ALPK1: variants seen among roughly 807,000 people sequenced by gnomAD.
ALPK1 encodes the protein alpha-protein kinase 1.
Under a neutral mutation model 120.6 loss-of-function variants are expected in ALPK1, and 110 were observed. The ratio of observed to expected loss-of-function variants is 0.91; its 90% CI spans 0.78 to 1.07. The LOEUF (loss-of-function observed/expected upper bound fraction) is 1.07, where lower values mean the gene tolerates loss of function less well. Among genes scored for constraint, ALPK1 ranks in the 50% least tolerant of loss-of-function variants. ALPK1 has a pLI of 0.00. For synonymous variants in ALPK1, 582 were observed against 560.3 expected (o/e 1.04, Z -0.55); for missense variants, 1,498 against 1,483.9 (o/e 1.01, Z -0.16).
chr4:112,333,642 C>T (rs1174788495), intron 2 of ALPK1, among the ~76,000 whole-genome samples: 2 of 152,232 alleles, frequency 1.3e-5, no homozygotes, highest in Non-Finnish European at 2.9e-5. Context: ...GATGAACCCA[C>T]ATTAATGTTT....
At chr4:112,341,683 C>T (rs1209945969) in intron 2 of ALPK1, among the ~76,000 whole-genome samples, 1 of 152,180 alleles carries the variant, frequency 6.6e-6, no homozygotes, top group Admixed American at 6.5e-5. Context: ...GGGGTGAATG[C>T]AGCCAACTGG....
intron 2 of ALPK1, among the ~76,000 whole-genome samples, chr4:112,324,745 G>A (rs184668405): frequency 4.6e-5 from 7 of 152,160 alleles, no homozygotes; most frequent in African/African-American, 1.7e-4. Flanking sequence ...CCAAAATGTT[G>A]GAATTACAGG....
At chr4:112,438,131 G>A (rs1427508702) in intron 12 of ALPK1, among the ~76,000 whole-genome samples, 1 of 152,158 alleles carries the variant, frequency 6.6e-6, no homozygotes, top group East Asian at 1.9e-4. Context: ...GACTATATAA[G>A]GCCACACTGC....
In ALPK1 at chr4:112,427,487, T is replaced by C; in HGVS notation, c.700-83T>C. On this transcript the variant is annotated intron_variant, in intron 8 of 15. Coordinates refer to ENST00000650871, the MANE Select transcript of ALPK1 (RefSeq NM_025144.4). The stretch of plus-strand genomic sequence containing the variant: ...TAGGCAAATAGTTCATATGGAGGAA[T>C]AATCATAGCCTTTAGGCCATGGATG... 3.5e-6 allele frequency: 3 copies of C among 852,674 alleles called. No individual in the cohort carries two copies. In the Admixed American group the frequency reaches 6.2e-5, roughly 18 times the overall value. 52.8% of individuals were successfully genotyped at this position (852,674 alleles called of 1,614,324 possible).
At chr4:112,318,993 T>C (rs2110542279) in intron 2 of ALPK1, among the ~76,000 whole-genome samples, 1 of 152,334 alleles carries the variant, frequency 6.6e-6, no homozygotes, top group East Asian at 1.9e-4. Flanking sequence ...TTTCATCCTA[T>C]AGGCAACAAT....
chr4:112,358,884 ACCTGTCTTGG>A, intron 2 of ALPK1: 1 of 773,432 alleles, frequency 1.3e-6, no homozygotes, highest in South Asian at 1.3e-5. Context: ...TGCCCTGGCG[ACCTGTCTTGG>A]CCTCCTCTTT....
chr4:112,379,820 A>C (rs978180530), intron 3 of ALPK1, among the ~76,000 whole-genome samples: 1 of 152,210 alleles, frequency 6.6e-6, no homozygotes, highest in Non-Finnish European at 1.5e-5. Context: ...CCAGAGATAC[A>C]TTTTAAAAAC....
At chr4:112,331,280 G>C (rs1729357489) in intron 2 of ALPK1, among the ~76,000 whole-genome samples, 1 of 152,180 alleles carries the variant, frequency 6.6e-6, no homozygotes, top group South Asian at 2.1e-4. Flanking sequence ...TTGAGAGGGT[G>C]TCTTCTGCAG....
intron 7 of ALPK1, 121 bp downstream of exon 7, chr4:112,425,872 T>C: frequency 2.8e-6 from 2 of 711,164 alleles, no homozygotes; most frequent in South Asian, 2.0e-5. Flanking sequence ...TGCCTTAGTT[T>C]CCTCATCGAA....
At chr4:112,428,701 G>A (rs1231103777) in intron 9 of ALPK1, among the ~76,000 whole-genome samples, 1 of 152,166 alleles carries the variant, frequency 6.6e-6, no homozygotes, top group Non-Finnish European at 1.5e-5. Flanking sequence ...ACAACAGAAA[G>A]TAAGCTCCTT....
chr4:112,359,810 GC>G, intron 2 of ALPK1: 1 of 411,526 alleles, frequency 2.4e-6, no homozygotes, highest in South Asian at 1.9e-5. Context: ...TCTGGCCAGA[GC>G]CCCAGTGGGT....
intron 2 of ALPK1, among the ~76,000 whole-genome samples, chr4:112,355,865 T>C (rs954543944): frequency 2.0e-5 from 3 of 152,234 alleles, no homozygotes; most frequent in South Asian, 2.1e-4. Flanking sequence ...AAGTCTGAAC[T>C]GCCTGACAAA....
At chr4:112,429,342 C>A (rs17444613) in intron 10 of ALPK1, 89 bp downstream of exon 10, 10 of 1,014,774 alleles carry the variant, frequency 9.9e-6, no homozygotes, top group South Asian at 1.5e-5. Context: ...AAGGTTTAAC[C>A]TTCAAACAGG....
At chr4:112,366,812 C>G (rs950769864) in intron 2 of ALPK1, among the ~76,000 whole-genome samples, 2 of 152,178 alleles carry the variant, frequency 1.3e-5, no homozygotes, top group African/African-American at 4.8e-5. Context: ...GCCCATCAAT[C>G]AATGAGTGGG....
chr4:112,412,660 T>C (rs987824392), intron 5 of ALPK1, among the ~76,000 whole-genome samples: 1 of 152,244 alleles, frequency 6.6e-6, no homozygotes, highest in Admixed American at 6.5e-5. Context: ...CATAGAATTC[T>C]TGAATTATTT....
chr4:112,379,522 TG>T (rs1384965704), intron 3 of ALPK1, among the ~76,000 whole-genome samples: 1 of 152,238 alleles, frequency 6.6e-6, no homozygotes, highest in Non-Finnish European at 1.5e-5. Flanking sequence ...ACCGTGCGGA[TG>T]GAGTGCAGCC....
At chr4:112,372,868 T>C (rs892710374) in intron 2 of ALPK1, among the ~76,000 whole-genome samples, 1 of 152,194 alleles carries the variant, frequency 6.6e-6, no homozygotes, top group African/African-American at 2.4e-5. Flanking sequence ...AAGGGAATGA[T>C]ACAGCACTAA....
At position 112,320,897 on chromosome 4, in the gene ALPK1, C is replaced by CCTT. The variant is rs558658108; in HGVS notation, c.-101+5045_-101+5046insCTT. Among the ~76,000 whole-genome samples, 14 of 123,606 alleles carry CCTT rather than the reference C, an allele frequency of 1.1e-4. No homozygotes were observed. The East Asian group carries it at 3.1e-3, about 27-fold the overall frequency. 81.1% of individuals were successfully genotyped at this position (123,606 alleles called of 152,430 possible). Reference sequence around the variant, plus strand: ...TGGTTGTAATATCACCCATTTCTTTCTTTTTTTTTTTTTTTTTGAGACGGA... The same window carrying CCTT: ...TGGTTGTAATATCACCCATTTCTTTCCTTTTTTTTTTTTTTTTTTTGAGACGGA... On this transcript the variant is annotated intron_variant, in intron 2 of 15. Transcript: ENST00000650871.
At chr4:112,323,173 T>C (rs561933134) in intron 2 of ALPK1, among the ~76,000 whole-genome samples, 4 of 152,242 alleles carry the variant, frequency 2.6e-5, no homozygotes, top group Non-Finnish European at 5.9e-5. Context: ...TCACTTCCAC[T>C]GTCTGGAGTC....
Sources: gnomAD v4.1 joint callset for allele counts (sites outside exome capture counted in the v4.1 genomes callset) on GRCh38, gnomAD v4.1.1 for gene constraint, MANE v1.5 for transcripts, NCBI Gene and HGNC (gene_info 2026-07-23, HGNC 2026-07-21) for gene names.